Variants in PTDSS1 observed in about 807,000 individuals in gnomAD.
The protein encoded by PTDSS1 is phosphatidylserine synthase 1.
Under a neutral mutation model 70.5 loss-of-function variants are expected in PTDSS1, and 45 were observed. The observed-to-expected ratio is 0.64, with a 90% confidence interval of 0.50 to 0.82. PTDSS1 has a LOEUF of 0.82. Ranked by LOEUF, PTDSS1 falls within the 40% of genes least tolerant of loss-of-function variation. The pLI, the probability that PTDSS1 is intolerant of heterozygous loss-of-function variation, is 0.00. For synonymous variants in PTDSS1, 188 were observed against 203.8 expected (o/e 0.92, Z 0.66); for missense variants, 417 against 586.1 (o/e 0.71, Z 2.98).
chr8:96,274,647 C>A (rs1427155375), intron 2 of PTDSS1, among the ~76,000 whole-genome samples: 1 of 152,170 alleles, frequency 6.6e-6, no homozygotes, highest in African/African-American at 2.4e-5. Context: ...ATCGTTTGAA[C>A]CCGGGAGGCG....
At chr8:96,324,635 C>T (rs1811414425) in intron 10 of PTDSS1, among the ~76,000 whole-genome samples, 2 of 152,206 alleles carry the variant, frequency 1.3e-5, no homozygotes, top group African/African-American at 2.4e-5. Context: ...CAGGAACCCA[C>T]TCCCAAGATA....
At chr8:96,316,789 TCAA>T in intron 9 of PTDSS1, among the ~76,000 whole-genome samples, 2 of 151,842 alleles carry the variant, frequency 1.3e-5, no homozygotes, top group Admixed American at 1.3e-4. Context: ...GGTCAGGAGG[TCAA>T]GACCATCCTG....
intron 9 of PTDSS1, among the ~76,000 whole-genome samples, chr8:96,311,617 G>T (rs1811212997): frequency 6.6e-6 from 1 of 152,130 alleles, no homozygotes; most frequent in South Asian, 2.1e-4. Context: ...TGATACTCAG[G>T]TTAGATTTAG....
intron 5 of PTDSS1, among the ~76,000 whole-genome samples, chr8:96,298,651 G>T (rs1301009577): frequency 1.3e-5 from 2 of 152,178 alleles, no homozygotes; most frequent in Non-Finnish European, 2.9e-5. Flanking sequence ...CTCCAGGAAA[G>T]TTCCAGAGGC....
rs553767540 is a variant in PTDSS1 at position 96,273,113 on chromosome 8, C to T, written c.180-186C>T. ...ACAGTCAGCATTAGTTTGTTAGTGC[C>T]GTTTGGACACATAATGATCTAAGAA... On this transcript the variant is annotated intron_variant, in intron 1 of 12. Transcript: ENST00000517309. 5.3e-4 allele frequency among the ~76,000 whole-genome samples: 80 copies of T among 152,190 alleles called. No homozygotes were observed. The South Asian group carries it at 7.5e-3, about 14-fold the overall frequency.
intron 1 of PTDSS1, among the ~76,000 whole-genome samples, chr8:96,263,903 C>T (rs367717886): frequency 1.9e-4 from 29 of 152,248 alleles, no homozygotes; most frequent in African/African-American, 7.0e-4. Flanking sequence ...TTGTTCCTTA[C>T]CTCTGGGATT....
intron 10 of PTDSS1, among the ~76,000 whole-genome samples, chr8:96,322,182 G>T (rs1811381488): frequency 6.6e-6 from 1 of 152,102 alleles, no homozygotes. Context: ...CTGCCCCCTG[G>T]GCAGCAGTGA....
At chr8:96,273,459 C>A in intron 2 of PTDSS1, 69 bp downstream of exon 2, 2 of 1,157,208 alleles carry the variant, frequency 1.7e-6, no homozygotes, top group South Asian at 2.8e-5. Context: ...AGATGTGAGT[C>A]ATCTAGAAGA....
intron 1 of PTDSS1, among the ~76,000 whole-genome samples, chr8:96,268,774 T>C (rs1312208032): frequency 6.6e-6 from 1 of 152,094 alleles, no homozygotes. Flanking sequence ...TTGATTGGGA[T>C]TTTAGATATT....
intron 9 of PTDSS1, among the ~76,000 whole-genome samples, 173 bp downstream of exon 9, chr8:96,309,795 C>T (rs1430348501): frequency 1.3e-4 from 19 of 151,804 alleles, no homozygotes; most frequent in Non-Finnish European, 7.4e-5. Context: ...ATCTTTTCAT[C>T]TTTAATATTC....
At chr8:96,319,323 A>G (rs1019215890) in intron 9 of PTDSS1, among the ~76,000 whole-genome samples, 28 of 152,256 alleles carry the variant, frequency 1.8e-4, no homozygotes, top group Non-Finnish European at 2.1e-4. Context: ...ATCAGTATTC[A>G]TATGCTGCCT....
chr8:96,287,539 G>A (rs1047370769), intron 4 of PTDSS1, among the ~76,000 whole-genome samples: 1 of 151,594 alleles, frequency 6.6e-6, no homozygotes, highest in Non-Finnish European at 1.5e-5. Flanking sequence ...TATCTGTGGG[G>A]CCTACTGCGA....
In PTDSS1 at chr8:96,306,462, T is replaced by G; in HGVS notation, c.913T>G (p.Phe305Val). 6.2e-7 allele frequency: 1 copy of G among 1,614,092 alleles called. No homozygotes were observed. Among genetic ancestry groups the G allele is most frequent in the Non-Finnish European group, 8.5e-7 (1 of 1,179,934 alleles). The stretch of plus-strand genomic sequence containing the variant: ...TTTTCAGCTGACTGAGTTGAATACC[T>G]TCTTCTTGAAGCATATCTTTGTGTT... Reference protein sequence around the residue: ...IIWQLTELNTFFLKHIFVFQA... With the variant: ...IIWQLTELNTVFLKHIFVFQA... The change falls in exon 8 of 13, where the codon TTC becomes GTC. Residue 305 changes from phenylalanine to valine, a missense_variant. Phe to Val is a conservative substitution (Grantham distance 50). Around this residue, in one of 3 missense-constraint regions of PTDSS1, gnomAD observed 272 missense variants for 429.5 expected, o/e 0.63. Coordinates refer to ENST00000517309, the MANE Select transcript of PTDSS1 (RefSeq NM_014754.3).
intron 10 of PTDSS1, 21 bp downstream of exon 10, chr8:96,320,366 C>G (rs748348593): frequency 9.0e-6 from 14 of 1,556,332 alleles, no homozygotes; most frequent in Non-Finnish European, 1.2e-5. Flanking sequence ...GCATTTTACC[C>G]AAAGGCATTA....
rs755907843 is a variant in PTDSS1, at chr8:96,279,955, T to C, written c.272-4154T>C. 1.2e-3 allele frequency among the ~76,000 whole-genome samples: 190 copies of C among 152,296 alleles called. 1 individual carries two copies. Among genetic ancestry groups the C allele is most frequent in the Non-Finnish European group, 2.3e-3 (156 of 68,022 alleles). ...ACTAATAATAATCAAAAAGAGAAGC[T>C]GACTAAGAGGGTCTGCCAGGGAGCC... is the stretch of plus-strand genomic sequence containing the variant. On this transcript the variant is annotated intron_variant, in intron 2 of 12. Transcript: ENST00000517309.
intron 9 of PTDSS1, among the ~76,000 whole-genome samples, chr8:96,318,102 A>G (rs925107247): frequency 6.6e-6 from 1 of 152,036 alleles, no homozygotes; most frequent in Non-Finnish European, 1.5e-5. Context: ...AGGTGGGTGG[A>G]TCATTTGAGA....
At chr8:96,323,542 G>T (rs1287851249) in intron 10 of PTDSS1, among the ~76,000 whole-genome samples, 1 of 152,218 alleles carries the variant, frequency 6.6e-6, no homozygotes, top group African/African-American at 2.4e-5. Context: ...GCCCACTTGA[G>T]CCACAGCTAA....
Position 96,304,140 on chromosome 8 carries a change from C to T in PTDSS1, c.853C>T (p.Gln285Ter). Residue 285 changes from glutamine to a stop codon, truncating the protein, a stop_gained, in exon 7 of 13, where the codon CAG (glutamine) becomes TAG (stop). Transcript: ENST00000517309. LOFTEE classifies it high-confidence loss of function. ...VRWFDPKSSF[Q>*]RVAGVYLFMI... ...ATGGTTTGACCCCAAATCTTCTTTT[C>T]AGAGAGTAGCTGGAGTGTACCTTTT... is the stretch of plus-strand genomic sequence containing the variant. 1 of 1,614,008 alleles carries T rather than the reference C, an allele frequency of 6.2e-7. No individual in the cohort carries two copies. Among genetic ancestry groups the T allele is most frequent in the South Asian group, 1.1e-5 (1 of 91,062 alleles).
chr8:96,304,531 T>C (rs1190259688), intron 7 of PTDSS1, among the ~76,000 whole-genome samples: 3 of 152,264 alleles, frequency 2.0e-5, no homozygotes, highest in African/African-American at 7.2e-5. Flanking sequence ...GAGAAGGCTT[T>C]TCTTACATTC....
Sources: gnomAD v4.1 joint callset for allele counts (sites outside exome capture counted in the v4.1 genomes callset) on GRCh38, gnomAD v4.1.1 for gene constraint, gnomAD v4.1.1 regional missense constraint, MANE v1.5 for transcripts, NCBI Gene and HGNC (gene_info 2026-07-23, HGNC 2026-07-21) for gene names.